Variants in MYOT observed in about 807,000 individuals in gnomAD.
MYOT encodes 57 kDa cytoskeletal protein.
MYOT carries 36 observed loss-of-function variants against 58.0 expected under a neutral mutation model. The ratio of observed to expected loss-of-function variants is 0.62; its 90% CI spans 0.48 to 0.82. MYOT has a LOEUF of 0.82. Ranked by LOEUF, MYOT falls within the 40% of genes least tolerant of loss-of-function variation. The pLI, the probability that MYOT is intolerant of heterozygous loss-of-function variation, is 0.00. For missense variants in MYOT, 505 were observed against 592.1 expected, an observed-to-expected ratio of 0.85 and a Z score of 1.53; for synonymous variants, 218 against 204.6, an observed-to-expected ratio of 1.07 and a Z score of -0.56.
intron 2 of MYOT, among the ~76,000 whole-genome samples, chr5:137,873,461 G>A (rs1755112858): frequency 6.6e-6 from 1 of 151,864 alleles, no homozygotes; most frequent in Admixed American, 6.6e-5. Context: ...TTAAACCCGG[G>A]AGACATAGAG....
At chr5:137,881,895 G>T in intron 5 of MYOT, 78 bp from the exon 6 acceptor site, 4 of 1,508,472 alleles carry the variant, frequency 2.7e-6, no homozygotes, top group Non-Finnish European at 2.8e-6. Context: ...AAAAAAAATT[G>T]ATGGCTAAAC....
rs756669574 is a variant in MYOT at position 137,877,617 on chromosome 5, C to T, written c.629C>T (p.Ser210Leu). 42 of 1,607,544 alleles carry T rather than the reference C, an allele frequency of 2.6e-5. No individual in the cohort carries two copies. Among genetic ancestry groups the T allele is most frequent in the Non-Finnish European group, 3.5e-5 (41 of 1,174,230 alleles). ...CAGGATGACAGTGGTGCACAAGACT[C>T]GCAGGTAAGTTAAAATGCTCTAAGT... Reference protein sequence around the residue: ...QAQDDSGAQDSQQHNSEHARL... With the variant: ...QAQDDSGAQDLQQHNSEHARL... The change falls in exon 4 of 10, where the codon TCG becomes TTG. Residue 210 changes from serine (S) to leucine (L), a missense_variant. Physicochemically the swap from Ser to Leu is moderately radical, Grantham distance 145. Coordinates refer to ENST00000239926, the MANE Select transcript of MYOT (RefSeq NM_006790.3).
In MYOT at chr5:137,876,014, T is replaced by C. The variant is rs374885353; in HGVS notation, c.531+11T>C. 1.2e-6 allele frequency: 2 copies of C among 1,613,816 alleles called. No homozygotes were observed. Among genetic ancestry groups the C allele is most frequent in the Admixed American group, 1.7e-5 (1 of 60,020 alleles). ...CATAATGGAAATCAAGTGGGCAAGA[T>C]GTCTATTTTGTACAAAAGGCCAATT... On this transcript the variant is annotated intron_variant, in intron 3 of 9. Transcript: ENST00000239926.
rs750485666 is a variant in MYOT, at chr5:137,870,740, G to A, written c.89G>A (p.Ser30Asn). 6.2e-7 allele frequency: 1 copy of A among 1,614,154 alleles called. No individual in the cohort carries two copies. The highest frequency in any genetic ancestry group is 2.2e-5 in the East Asian group (1 of 44,884). ...RLQPPGPETS[S>N]FSSQTKQSSI... ...CAGCCTCCTGGACCAGAAACCTCCAGCTTCTCTAGCCAGACCAAACAGTCT... is the reference window on the plus strand; with the variant it reads ...CAGCCTCCTGGACCAGAAACCTCCAACTTCTCTAGCCAGACCAAACAGTCT... The change falls in exon 2 of 10, where the codon AGC becomes AAC. Residue 30 changes from serine (S) to asparagine (N), a missense_variant. Ser to Asn is a conservative substitution (Grantham distance 46). Coordinates refer to ENST00000239926, the MANE Select transcript of MYOT (RefSeq NM_006790.3).
intron 4 of MYOT, among the ~76,000 whole-genome samples, chr5:137,879,816 G>A (rs552603887): frequency 1.3e-5 from 2 of 151,442 alleles, no homozygotes; most frequent in East Asian, 1.9e-4. Context: ...GATTACAGGC[G>A]TGAGCCACTG....
chr5:137,881,822 G>A lies in MYOT; in HGVS notation c.684-151G>A, dbSNP rs1755441079. 5.1e-6 allele frequency: 4 copies of A among 776,718 alleles called. No homozygotes were observed. In the South Asian group the frequency reaches 6.4e-5, roughly 12 times the overall value. 48.1% of individuals were successfully genotyped at this position (776,718 alleles called of 1,614,324 possible). On this transcript the variant is annotated intron_variant, in intron 5 of 9. Coordinates refer to ENST00000239926, the MANE Select transcript of MYOT (RefSeq NM_006790.3). ...AGCGATTCTCCTGCCTTAGCCTCCT[G>A]AGTGAGCTGAGATTGGGCCACTGTA...
intron 3 of MYOT, 187 bp downstream of exon 3, chr5:137,876,190 A>G (rs1375812422): frequency 2.4e-5 from 15 of 624,264 alleles, no homozygotes; most frequent in Non-Finnish European, 3.6e-5. Context: ...TACAGTAGTA[A>G]AAGAATGAAG....
At chr5:137,875,753 C>G in intron 2 of MYOT, 76 bp from the exon 3 acceptor site, 1 of 1,400,462 alleles carries the variant, frequency 7.1e-7, no homozygotes, top group Non-Finnish European at 1.0e-6. Flanking sequence ...GTGGTAAACT[C>G]AACATATCTA....
intron 4 of MYOT, 45 bp downstream of exon 4, chr5:137,877,666 T>G (rs1561660881): frequency 7.5e-7 from 1 of 1,340,552 alleles, no homozygotes; most frequent in African/African-American, 1.4e-5. Flanking sequence ...TCTGTGCGAT[T>G]TTTAAATGTC....
At chr5:137,877,376 A>G in intron 3 of MYOT, 144 bp from the exon 4 acceptor site, 1 of 550,740 alleles carries the variant, frequency 1.8e-6, no homozygotes, top group Non-Finnish European at 3.2e-6. Context: ...TCAAAAAAAA[A>G]AAAAAAAAAA....
At chr5:137,877,727 C>T in intron 4 of MYOT, 106 bp downstream of exon 4, 1 of 786,662 alleles carries the variant, frequency 1.3e-6, no homozygotes, top group South Asian at 1.4e-5. Flanking sequence ...TCGGTCAGTT[C>T]CATCCACCAC....
intron 3 of MYOT, 67 bp from the exon 4 acceptor site, chr5:137,877,453 T>C (rs369525580): frequency 4.7e-6 from 5 of 1,053,488 alleles, no homozygotes; most frequent in Middle Eastern, 2.1e-4. Context: ...ATAGTAGTGG[T>C]TTTAAGGTAA....
chr5:137,882,236 A>G, intron 6 of MYOT, 131 bp downstream of exon 6: 1 of 1,047,194 alleles, frequency 9.5e-7, no homozygotes, highest in Non-Finnish European at 1.4e-6. Context: ...TTCTGAAGTC[A>G]AACTGATGTG....
intron 2 of MYOT, among the ~76,000 whole-genome samples, chr5:137,872,696 A>G (rs1290368533): frequency 6.6e-6 from 1 of 152,166 alleles, no homozygotes; most frequent in Admixed American, 6.5e-5. Context: ...TGACTTCCAA[A>G]ATAATCCCTT....
At chr5:137,874,335 CG>C (rs1273416417) in intron 2 of MYOT, among the ~76,000 whole-genome samples, 3 of 152,036 alleles carry the variant, frequency 2.0e-5, no homozygotes, top group African/African-American at 7.3e-5. Flanking sequence ...AGCATGGTGG[CG>C]GGTGCCTGTA....
chr5:137,881,865 A>G (rs916648505), intron 5 of MYOT, 108 bp from the exon 6 acceptor site: 55 of 1,178,138 alleles, frequency 4.7e-5, no homozygotes, highest in South Asian at 1.9e-4. Context: ...CTGGGCAACA[A>G]GAGTGAAACT....
chr5:137,875,105 A>C (rs1004556048), intron 2 of MYOT, among the ~76,000 whole-genome samples: 1 of 152,226 alleles, frequency 6.6e-6, no homozygotes, highest in African/African-American at 2.4e-5. Flanking sequence ...CCAGCTCCAG[A>C]ATACCACCAC....
At chr5:137,877,293 A>C (rs1755258988) in intron 3 of MYOT, among the ~76,000 whole-genome samples, 1 of 147,448 alleles carries the variant, frequency 6.8e-6, no homozygotes, top group African/African-American at 2.5e-5. Context: ...GCGTGAACCC[A>C]GGAGGCGGAG....
At position 137,881,947 on chromosome 5, in the gene MYOT, T is replaced by C. The variant is rs73790080; in HGVS notation, c.684-26T>C. On this transcript the variant is annotated intron_variant, in intron 5 of 9. Transcript: ENST00000239926. ...GAAAAGCAATGATAATATTTACGCA[T>C]AGTTGTTACCAAAATATTCTTGTAG... The C allele has an allele frequency of 5.3e-3, 8,552 of 1,610,584 alleles. 280 individuals carry two copies. The African/African-American group carries it at 0.084, about 16-fold the overall frequency.
Sources: gnomAD v4.1 joint callset for allele counts (sites outside exome capture counted in the v4.1 genomes callset) on GRCh38, gnomAD v4.1.1 for gene constraint, MANE v1.5 for transcripts, NCBI Gene and HGNC (gene_info 2026-07-23, HGNC 2026-07-21) for gene names.